CCDC85A: variants seen among roughly 807,000 people sequenced by gnomAD.
CCDC85A encodes coiled-coil domain containing 85A.
In CCDC85A, 38 loss-of-function variants were observed where a neutral mutation model predicts 50.2. The ratio of observed to expected loss-of-function variants is 0.76; its 90% CI spans 0.58 to 0.99. CCDC85A has a LOEUF of 0.99. Ranked by LOEUF, CCDC85A falls within the 50% of genes least tolerant of loss-of-function variation. The pLI is 0.00. For missense variants in CCDC85A, 820 were observed against 742.0 expected (o/e 1.11, Z -1.22); for synonymous variants, 366 against 301.4 (o/e 1.21, Z -2.22).
intron 2 of CCDC85A, among the ~76,000 whole-genome samples, chr2:56,337,701 G>C (rs971869448): frequency 6.6e-6 from 1 of 151,606 alleles, no homozygotes; most frequent in Admixed American, 6.6e-5. Flanking sequence ...ACAGGATTTA[G>C]TACTAAATTT....
chr2:56,356,208 G>C (rs1675217727), intron 3 of CCDC85A, among the ~76,000 whole-genome samples: 1 of 152,252 alleles, frequency 6.6e-6, no homozygotes, highest in African/African-American at 2.4e-5. Flanking sequence ...TGCCTAGCAA[G>C]TATTGAGTGC....
In CCDC85A at chr2:56,193,320, C is replaced by T; in HGVS notation, c.1120C>T (p.His374Tyr). The T allele has an allele frequency of 6.2e-7, 1 of 1,613,334 alleles. No homozygotes were observed. Among genetic ancestry groups the T allele is most frequent in the Non-Finnish European group, 8.5e-7 (1 of 1,179,592 alleles). Residue 374 changes from histidine to tyrosine, a missense_variant, in exon 2 of 6, where the codon CAC (histidine) becomes TAC (tyrosine). His to Tyr is a moderately conservative substitution (Grantham distance 83). Transcript: ENST00000407595. ...QHYGGSPDHK[H>Y]GGGSGGSGGS... is the part of the protein sequence containing the mutation. ...TTATGGAGGGAGCCCTGATCACAAA[C>T]ACGGAGGAGGCAGTGGAGGAAGTGG...
chr2:56,336,014 C>G (rs188988585), intron 2 of CCDC85A, among the ~76,000 whole-genome samples: 14 of 152,220 alleles, frequency 9.2e-5, no homozygotes, highest in African/African-American at 3.4e-4. Context: ...AATTAAATTT[C>G]AGCATGATTT....
rs1472772578 is a variant in CCDC85A, at chr2:56,274,543, G to T, written c.1241-68336G>T. On this transcript the variant is annotated intron_variant, in intron 2 of 5. Transcript: ENST00000407595. ...GTCTTTGCTCTTAGGGCTTTCAACCGATTGGATAAAGCCCACCCACATTGT... is the reference window on the plus strand; with the variant it reads ...GTCTTTGCTCTTAGGGCTTTCAACCTATTGGATAAAGCCCACCCACATTGT... Among the ~76,000 whole-genome samples, 4 of 152,268 alleles carry T rather than the reference G, an allele frequency of 2.6e-5. No individual in the cohort carries two copies. The East Asian group carries it at 7.7e-4, about 29-fold the overall frequency.
chr2:56,229,892 G>C (rs1205591281), intron 2 of CCDC85A, among the ~76,000 whole-genome samples: 2 of 152,124 alleles, frequency 1.3e-5, no homozygotes, highest in African/African-American at 4.8e-5. Flanking sequence ...CTTTCACCTT[G>C]AGCTAATTTT....
intron 2 of CCDC85A, among the ~76,000 whole-genome samples, chr2:56,248,834 A>G (rs890314200): frequency 1.3e-5 from 2 of 152,204 alleles, no homozygotes; most frequent in African/African-American, 4.8e-5. Context: ...AGGGAAGGTC[A>G]CTGGCCAAGG....
intron 2 of CCDC85A, among the ~76,000 whole-genome samples, chr2:56,332,191 A>G (rs192191721): frequency 1.7e-4 from 26 of 152,340 alleles, no homozygotes; most frequent in African/African-American, 6.0e-4. Context: ...ATTGTATTCT[A>G]AGACTTTAGT....
chr2:56,322,954 C>T (rs966410334), intron 2 of CCDC85A, among the ~76,000 whole-genome samples: 18 of 152,138 alleles, frequency 1.2e-4, no homozygotes, highest in Admixed American at 5.2e-4. Flanking sequence ...CCATGGAATA[C>T]TATGCAGCCA....
chr2:56,345,741 T>G (rs571362047), intron 3 of CCDC85A, among the ~76,000 whole-genome samples: 1 of 152,348 alleles, frequency 6.6e-6, no homozygotes, highest in African/African-American at 2.4e-5. Flanking sequence ...GGCATTTACC[T>G]GTACAACTTA....
At chr2:56,330,501 C>T (rs1012600241) in intron 2 of CCDC85A, among the ~76,000 whole-genome samples, 18 of 152,258 alleles carry the variant, frequency 1.2e-4, no homozygotes, top group African/African-American at 4.1e-4. Flanking sequence ...ATGATGAGGG[C>T]CTTCCTCCCT....
At chr2:56,325,296 A>G (rs76378578) in intron 2 of CCDC85A, among the ~76,000 whole-genome samples, 1,773 of 152,214 alleles carry the variant, frequency 0.012, 30 homozygotes, top group African/African-American at 0.04. Context: ...TCATTTGAAG[A>G]TAATAGTTAC....
chr2:56,237,609 T>C (rs925827931), intron 2 of CCDC85A, among the ~76,000 whole-genome samples: 6 of 152,164 alleles, frequency 3.9e-5, no homozygotes, highest in African/African-American at 1.4e-4. Flanking sequence ...TCAAGGAAAC[T>C]GAACTTGAGA....
chr2:56,184,907 G>T lies in CCDC85A; in HGVS notation c.276+7G>T. 6.7e-7 allele frequency: 1 copy of T among 1,497,496 alleles called. No individual in the cohort carries two copies. Among genetic ancestry groups the T allele is most frequent in the Non-Finnish European group, 8.9e-7 (1 of 1,127,800 alleles). The allele number at this position is 1,497,496 out of a possible 1,614,324, so 92.8% of individuals were successfully genotyped here. A position where few individuals can be genotyped will look rare whatever the true frequency, so the allele number is the denominator to read the frequency against. On this transcript the variant is annotated splice_region_variant and intron_variant, in intron 1 of 5. Transcript: ENST00000407595. Reference sequence around the variant, plus strand: ...CGAGATCCGCGGCCTCAAGGTGAGCGCGGGCCAGGTGGGGAGGCGCGGCGC... The same window carrying T: ...CGAGATCCGCGGCCTCAAGGTGAGCTCGGGCCAGGTGGGGAGGCGCGGCGC...
chr2:56,212,946 A>T (rs1393417930), intron 2 of CCDC85A, among the ~76,000 whole-genome samples: 1 of 152,032 alleles, frequency 6.6e-6, no homozygotes, highest in Non-Finnish European at 1.5e-5. Context: ...ACTCCCTCCA[A>T]AGAGGAAATA....
chr2:56,196,388 G>A (rs920123668), intron 2 of CCDC85A, among the ~76,000 whole-genome samples: 1 of 152,140 alleles, frequency 6.6e-6, no homozygotes, highest in Non-Finnish European at 1.5e-5. Context: ...CAAATTGCTT[G>A]CTTATTTCAT....
chr2:56,225,851 C>T (rs1484398667), intron 2 of CCDC85A, among the ~76,000 whole-genome samples: 2 of 152,144 alleles, frequency 1.3e-5, no homozygotes, highest in Admixed American at 6.6e-5. Flanking sequence ...GGCTTCATAG[C>T]GTAAATCTCC....
intron 2 of CCDC85A, among the ~76,000 whole-genome samples, chr2:56,322,978 G>T (rs1673282347): frequency 6.6e-6 from 1 of 152,116 alleles, no homozygotes; most frequent in Non-Finnish European, 1.5e-5. Flanking sequence ...AAAAGGATGA[G>T]TTCATGTCCT....
chr2:56,201,397 T>C (rs1200842062), intron 2 of CCDC85A, among the ~76,000 whole-genome samples: 3 of 152,144 alleles, frequency 2.0e-5, no homozygotes, highest in Non-Finnish European at 4.4e-5. Context: ...CCCTGGTGAG[T>C]TGGCTTTTCT....
intron 2 of CCDC85A, among the ~76,000 whole-genome samples, chr2:56,272,979 T>C (rs1361242482): frequency 2.0e-5 from 3 of 152,178 alleles, no homozygotes; most frequent in African/African-American, 7.2e-5. Context: ...AAGAATAAGT[T>C]AAGATAACCA....
Sources: allele counts gnomAD v4.1 joint callset (sites outside exome capture counted in the v4.1 genomes callset), GRCh38; gene constraint gnomAD v4.1.1; transcripts MANE v1.5; gene names NCBI Gene and HGNC (gene_info 2026-07-23, HGNC 2026-07-21).